SPPL2B: variants seen among roughly 807,000 people sequenced by gnomAD.
SPPL2B encodes the protein signal peptide peptidase-like 2B.
A neutral mutation model predicts 59.7 loss-of-function variants in SPPL2B; 39 were observed. The ratio of observed to expected loss-of-function variants is 0.65; its 90% CI spans 0.51 to 0.85. SPPL2B has a LOEUF of 0.85. Among genes scored for constraint, SPPL2B ranks in the 40% least tolerant of loss-of-function variants. The pLI, the probability that SPPL2B is intolerant of heterozygous loss-of-function variation, is 0.00. For synonymous variants in SPPL2B, 419 were observed against 370.8 expected, an observed-to-expected ratio of 1.13 and a Z score of -1.49; for missense variants, 865 against 849.0, an observed-to-expected ratio of 1.02 and a Z score of -0.23.
chr19:2,341,688 G>A (rs948043694), intron 8 of SPPL2B: 4 of 424,226 alleles, frequency 9.4e-6, no homozygotes, highest in East Asian at 7.4e-5. Context: ...GCCACGGCAC[G>A]TTTAACTGGC....
In SPPL2B at chr19:2,351,345, C is replaced by T. The variant is rs145069628; in HGVS notation, c.1355-89C>T. ...CGTCCTCGCACACCCCTGCCCTCCA[C>T]CAACCCCAGCCCGCTCACGTTCTTC... On this transcript the variant is annotated intron_variant, in intron 13 of 14. Coordinates refer to ENST00000613503, the MANE Select transcript of SPPL2B (RefSeq NM_152988.3). The T allele has an allele frequency of 4.4e-4, 502 of 1,152,182 alleles. 3 individuals carry two copies. The East Asian group carries it at 0.011, about 25-fold the overall frequency. 71.4% of individuals were successfully genotyped at this position (1,152,182 alleles called of 1,614,324 possible).
chr19:2,347,043 C>T (rs1000074219), intron 13 of SPPL2B, among the ~76,000 whole-genome samples: 21 of 152,218 alleles, frequency 1.4e-4, no homozygotes, highest in Non-Finnish European at 1.3e-4. Context: ...GTTGCAGGAT[C>T]GCTACAGAGA....
In SPPL2B at chr19:2,339,972, C is replaced by T. The variant is rs748992627; in HGVS notation, c.742+6C>T. On this transcript the variant is annotated splice_donor_region_variant and intron_variant, in intron 6 of 14. Transcript: ENST00000613503. Reference sequence around the variant, plus strand: ...CTATTTCTACGATCTCCTCGGTGCGCGGCCCCGGGCGGGTGGGCCGCGGCG... The same window carrying T: ...CTATTTCTACGATCTCCTCGGTGCGTGGCCCCGGGCGGGTGGGCCGCGGCG... 41 of 1,552,450 alleles carry T rather than the reference C, an allele frequency of 2.6e-5. No homozygotes were observed. The highest frequency in any genetic ancestry group is 3.1e-5 in the Non-Finnish European group (36 of 1,147,376).
At chr19:2,338,047 C>T (rs575814156) in intron 3 of SPPL2B, 162 of 166,320 alleles carry the variant, frequency 9.7e-4, no homozygotes, top group Non-Finnish European at 8.8e-4. Flanking sequence ...GTGGTCCTAG[C>T]CAGGTGGCCT....
In SPPL2B at chr19:2,343,117, G is replaced by T. The variant is rs1969153154; in HGVS notation, c.957-94G>T. On this transcript the variant is annotated intron_variant, in intron 8 of 14. Transcript: ENST00000613503. ...GGAAGGGCAGTGGGGCTGCGTGCTG[G>T]CTGAGAGCAAGGGCCCTGTGTGGCT... 12 of 987,826 alleles carry T rather than the reference G, an allele frequency of 1.2e-5. No individual in the cohort carries two copies. The South Asian group carries it at 1.7e-4, about 14-fold the overall frequency. The allele number at this position is 987,826 out of a possible 1,614,324, so 61.2% of individuals were successfully genotyped here. A position where few individuals can be genotyped will look rare whatever the true frequency, so the allele number is the denominator to read the frequency against.
rs905006762 is a variant in SPPL2B, at chr19:2,345,154, A to T, written c.1277-99A>T. On this transcript the variant is annotated intron_variant, in intron 12 of 14. Transcript: ENST00000613503. ...GCAGCCACCAGGCAGCGAGAGGCCC[A>T]CGGCGCCCACAGGTGCTCAGGTGCC... The T allele has an allele frequency of 2.0e-5, 18 of 917,482 alleles. No homozygotes were observed. In the African/African-American group the frequency reaches 3.0e-4, roughly 15 times the overall value. 56.8% of individuals were successfully genotyped at this position (917,482 alleles called of 1,614,324 possible).
chr19:2,352,436 GT>G (rs1969980327), intron 14 of SPPL2B, among the ~76,000 whole-genome samples: 1 of 152,176 alleles, frequency 6.6e-6, no homozygotes, highest in South Asian at 2.1e-4. Flanking sequence ...CCTACGTCAT[GT>G]TTTTGTGGAG....
intron 8 of SPPL2B, chr19:2,341,714 A>G (rs939260028): frequency 4.8e-6 from 2 of 416,256 alleles, no homozygotes; most frequent in South Asian, 3.2e-5. Flanking sequence ...GAAGATGTGA[A>G]AATATTTTGA....
chr19:2,337,348 C>G, intron 2 of SPPL2B, 95 bp from the exon 3 acceptor site: 3 of 1,237,032 alleles, frequency 2.4e-6, no homozygotes, highest in Non-Finnish European at 3.4e-6. Context: ...GGGCTGGGAT[C>G]TAACTCAGCG....
In SPPL2B at chr19:2,334,638, C is replaced by G. The variant is rs1968456321; in HGVS notation, c.103C>G (p.Gln35Glu). 3 of 1,613,040 alleles carry G rather than the reference C, an allele frequency of 1.9e-6. No homozygotes were observed. In the African/African-American group the frequency reaches 4.0e-5, roughly 21 times the overall value. Residue 35 changes from glutamine (Q) to glutamate (E), a missense_variant, in exon 2 of 15, where the codon CAG becomes GAG. Gln to Glu is a conservative substitution (Grantham distance 29). Transcript: ENST00000613503. The stretch of plus-strand genomic sequence containing the variant: ...GTACGGCATGGTGCACGTGGTCTCC[C>G]AGGCCGGGGGCCCCGAAGGCAAAGA... ...CEYGMVHVVS[Q>E]AGGPEGKDYC...
At chr19:2,342,978 T>C (rs909896226) in intron 8 of SPPL2B, 9 of 551,622 alleles carry the variant, frequency 1.6e-5, no homozygotes, top group Non-Finnish European at 3.0e-5. Flanking sequence ...CTCCTCTACC[T>C]GCTTCCGCAG....
intron 13 of SPPL2B, among the ~76,000 whole-genome samples, chr19:2,347,806 A>C (rs1210676165): frequency 1.6e-4 from 8 of 50,246 alleles, no homozygotes; most frequent in African/African-American, 2.6e-4. Flanking sequence ...CTCTCTCTCC[A>C]CACACACGCG....
chr19:2,338,365 C>T (rs1021934402), intron 3 of SPPL2B: 63 of 167,900 alleles, frequency 3.8e-4, no homozygotes, highest in African/African-American at 1.4e-3. Context: ...CATCCCTGTC[C>T]GCACACGCTG....
At chr19:2,329,841 G>A (rs986236316) in intron 1 of SPPL2B, among the ~76,000 whole-genome samples, 1 of 152,212 alleles carries the variant, frequency 6.6e-6, no homozygotes, top group African/African-American at 2.4e-5. Flanking sequence ...GCAGCTCATT[G>A]CAGTCGCTTC....
intron 7 of SPPL2B, 75 bp downstream of exon 7, chr19:2,340,247 C>T (rs1968947121): frequency 8.7e-7 from 1 of 1,147,058 alleles, no homozygotes; most frequent in Non-Finnish European, 1.2e-6. Flanking sequence ...CGCCCCATAG[C>T]CCCCCATGGT....
At position 2,337,475 on chromosome 19, in the gene SPPL2B, C is replaced by T; in HGVS notation, c.219C>T (p.Ser73=). The change falls in exon 3 of 15, where the codon TCC becomes TCT. Residue 73 remains serine, a synonymous_variant. Coordinates refer to ENST00000613503, the MANE Select transcript of SPPL2B (RefSeq NM_152988.3). ...TGCAGCTGCGCAACTGGACGGCCTC[C>T]CTGCTCTGCTCCGCAGCCGACCTCC... ...SFLQLRNWTA[S]LLCSAADLPA... 1 of 1,611,946 alleles carries T rather than the reference C, an allele frequency of 6.2e-7. No homozygotes were observed. Among genetic ancestry groups the T allele is most frequent in the East Asian group, 2.2e-5 (1 of 44,834 alleles).
Position 2,344,543 on chromosome 19 carries a change from G to A in SPPL2B, c.1177-10G>A, listed in dbSNP as rs985210175. The A allele has an allele frequency of 6.2e-6, 10 of 1,609,542 alleles. No homozygotes were observed. Among genetic ancestry groups the A allele is most frequent in the Admixed American group, 3.3e-5 (2 of 59,836 alleles). The stretch of plus-strand genomic sequence containing the variant: ...TCCTGGAGGACATTGTCCTCTTCCC[G>A]TCTTTGCAGCTGCCCATGGTCCTGA... On this transcript the variant is annotated splice_polypyrimidine_tract_variant and intron_variant, in intron 11 of 14. Coordinates refer to ENST00000613503, the MANE Select transcript of SPPL2B (RefSeq NM_152988.3).
intron 10 of SPPL2B, 48 bp from the exon 11 acceptor site, chr19:2,344,314 C>A: frequency 2.5e-6 from 2 of 784,416 alleles, no homozygotes; most frequent in Non-Finnish European, 4.1e-6. Flanking sequence ...ACTCCCCTGC[C>A]CCCCCACCCC....
rs779644764 is a variant in SPPL2B at position 2,334,734 on chromosome 19, TG to T, written c.186+15del. 1 of 1,567,828 alleles carries T rather than the reference TG, an allele frequency of 6.4e-7. No homozygotes were observed. Among genetic ancestry groups the T allele is most frequent in the Non-Finnish European group, 8.6e-7 (1 of 1,156,774 alleles). On this transcript the variant is annotated intron_variant, in intron 2 of 14. Coordinates refer to ENST00000613503, the MANE Select transcript of SPPL2B (RefSeq NM_152988.3). ...CCTCAGCAAGGCAGTGAGTACCCGC[TG>T]GCCGGGCGCCGCTGCGGAGGAGAAT... is the stretch of plus-strand genomic sequence containing the variant.
Sources: gnomAD v4.1 joint callset for allele counts (sites outside exome capture counted in the v4.1 genomes callset) on GRCh38, gnomAD v4.1.1 for gene constraint, MANE v1.5 for transcripts, NCBI Gene and HGNC (gene_info 2026-07-23, HGNC 2026-07-21) for gene names.